The following CRY2 variants were observed in gnomAD, a reference collection of about 807,000 sequenced individuals.
The protein encoded by CRY2 is cryptochrome circadian regulator 2, also known as cryptochrome-2.
A neutral mutation model predicts 69.5 loss-of-function variants in CRY2; 31 were observed. That is an observed-to-expected ratio of 0.45 (90% CI 0.34 to 0.60). The LOEUF (loss-of-function observed/expected upper bound fraction) is 0.60, where lower values mean the gene tolerates loss of function less well. Ranked by LOEUF, CRY2 falls within the 20% of genes least tolerant of loss-of-function variation. The probability of loss-of-function intolerance (pLI) is 0.02; values close to 1 mark genes in which losing one functional copy is unlikely to be tolerated. For missense variants in CRY2, 606 were observed against 797.8 expected, an observed-to-expected ratio of 0.76 and a Z score of 2.90; for synonymous variants, 303 against 312.2, an observed-to-expected ratio of 0.97 and a Z score of 0.31.
At chr11:45,861,332 TC>T (rs2086286611) in intron 4 of CRY2, 2 of 287,974 alleles carry the variant, frequency 6.9e-6, no homozygotes, top group Non-Finnish European at 6.5e-6. Context: ...GGTGCTGGTG[TC>T]CATGGGCTTC....
chr11:45,861,160 G>A, intron 4 of CRY2, 128 bp downstream of exon 4: 3 of 1,042,728 alleles, frequency 2.9e-6, no homozygotes, highest in Non-Finnish European at 4.1e-6. Flanking sequence ...GGAAATGGCA[G>A]TCACTATTAC....
intron 11 of CRY2, among the ~76,000 whole-genome samples, chr11:45,877,805 A>G (rs995731749): frequency 1.2e-4 from 19 of 152,172 alleles, no homozygotes; most frequent in Admixed American, 2.0e-4. Context: ...TGAGGACAAG[A>G]GCATGGCACC....
Position 45,872,017 on chromosome 11 carries a change from G to A in CRY2, c.1643-75G>A, listed in dbSNP as rs572925426. The A allele has an allele frequency of 1.5e-5, 24 of 1,568,006 alleles. No individual in the cohort carries two copies. The African/African-American group carries it at 2.4e-4, about 16-fold the overall frequency. On this transcript the variant is annotated intron_variant, in intron 10 of 11. Coordinates refer to ENST00000616080, the MANE Select transcript of CRY2 (RefSeq NM_021117.5). ...AAGTGTGCTCCCTGTCCCCTAAAGA[G>A]CTGCTGCTGCATAGTGTGGGATCAT...
chr11:45,870,740 G>A (rs968691557), intron 9 of CRY2, 102 bp from the exon 10 acceptor site: 1 of 1,140,474 alleles, frequency 8.8e-7, no homozygotes, highest in African/African-American at 1.5e-5. Flanking sequence ...GAACCTCAGT[G>A]TCTTGCTCCT....
rs1276013297 is a variant in CRY2, at chr11:45,881,339, C to A, written c.*428C>A. On this transcript the variant is annotated 3_prime_UTR_variant, in exon 12 of 12. Transcript: ENST00000616080. ...GCTGTGGAGCAGGAGCACAGCAGTT[C>A]TGGCTGTTGTCCAAAGCATGGGATT... 1.3e-5 allele frequency: 2 copies of A among 152,684 alleles called. No homozygotes were observed. The highest frequency in any genetic ancestry group is 2.9e-5 in the Non-Finnish European group (2 of 68,090). The allele number at this position is 152,684 out of a possible 1,614,324, so 9.5% of individuals were successfully genotyped here.
At chr11:45,866,628 C>A (rs2086332544) in intron 5 of CRY2, among the ~76,000 whole-genome samples, 1 of 152,202 alleles carries the variant, frequency 6.6e-6, no homozygotes, top group South Asian at 2.1e-4. Context: ...GAGTTAGAGA[C>A]CAGCCTGGCC....
chr11:45,857,397 C>T (rs2086249670), intron 2 of CRY2, among the ~76,000 whole-genome samples: 1 of 152,176 alleles, frequency 6.6e-6, no homozygotes, highest in Non-Finnish European at 1.5e-5. Flanking sequence ...CATATAAATA[C>T]ATTTGCCTCC....
At chr11:45,853,152 C>G (rs1296443579) in intron 1 of CRY2, among the ~76,000 whole-genome samples, 2 of 152,212 alleles carry the variant, frequency 1.3e-5, no homozygotes, top group African/African-American at 4.8e-5. Flanking sequence ...CATAATCTCT[C>G]TATGCCTCAG....
Position 45,869,634 on chromosome 11 carries a change from C to T in CRY2, c.1011C>T (p.Ile337=). 6.2e-7 allele frequency: 1 copy of T among 1,614,280 alleles called. No homozygotes were observed. The change falls in exon 7 of 12, where the codon ATC becomes ATT. Residue 337 remains isoleucine (I), a synonymous_variant. Transcript: ENST00000616080. The part of the protein sequence containing the change: ...RMEGNPICIQ[I]PWDRNPEALA... ...AGGGGAACCCCATCTGCATCCAGAT[C>T]CCCTGGGACCGCAATCCTGAGGCCC...
Position 45,854,066 on chromosome 11 carries a change from G to A in CRY2, c.216-1916G>A, listed in dbSNP as rs536035581. Among the ~76,000 whole-genome samples the A allele has an allele frequency of 3.2e-4, 49 of 152,334 alleles. No homozygotes were observed. In the South Asian group the frequency reaches 9.9e-3, roughly 31 times the overall value. ...TTGTGTACGTCAGAGGCAGCAGTGG[G>A]GGCTGGTTCTAGTTGGCAGCCTGGG... On this transcript the variant is annotated intron_variant, in intron 1 of 11. Coordinates refer to ENST00000616080, the MANE Select transcript of CRY2 (RefSeq NM_021117.5).
intron 2 of CRY2, chr11:45,858,503 A>G: frequency 5.8e-6 from 3 of 513,150 alleles, no homozygotes; most frequent in East Asian, 6.5e-5. Flanking sequence ...CTCTCTCCCA[A>G]CTCCACTGTT....
upstream of CRY2, chr11:45,847,252 G>A (rs571898929): frequency 6.4e-7 from 1 of 1,551,470 alleles, no homozygotes; most frequent in African/African-American, 1.4e-5. Context: ...TTGTCCGCAT[G>A]CCAGCTCCAC....
intron 5 of CRY2, among the ~76,000 whole-genome samples, chr11:45,865,932 G>A (rs2086327482): frequency 6.6e-6 from 1 of 152,238 alleles, no homozygotes; most frequent in Non-Finnish European, 1.5e-5. Flanking sequence ...GGGAGTGGAC[G>A]CAGGGAGGCC....
At chr11:45,877,307 G>T (rs947622864) in intron 11 of CRY2, among the ~76,000 whole-genome samples, 1 of 152,256 alleles carries the variant, frequency 6.6e-6, no homozygotes, top group East Asian at 1.9e-4. Flanking sequence ...TGCCCAATAT[G>T]ATGGGGAGAG....
chr11:45,847,663 C>G lies in CRY2; in HGVS notation c.173C>G (p.Pro58Arg). 1 of 1,591,494 alleles carries G rather than the reference C, an allele frequency of 6.3e-7. No individual in the cohort carries two copies. ...GTGCGCTGCGTTTACATTCTCGACC[C>G]GTGGTTCGCGGCCTCCTCCTCAGTC... ...RCVRCVYILDPWFAASSSVGI... is the reference protein window; with the variant it reads ...RCVRCVYILDRWFAASSSVGI... The change falls in exon 1 of 12, where the codon CCG becomes CGG. Residue 58 changes from proline to arginine, a missense_variant. Pro to Arg is a moderately radical substitution (Grantham distance 103). Around this residue, in one of 5 missense-constraint regions of CRY2, gnomAD observed 382 missense variants for 508.9 expected, o/e 0.75. Transcript: ENST00000616080.
In CRY2 at chr11:45,883,229, G is replaced by A. The variant is rs1007274697; in HGVS notation, c.*2318G>A. On this transcript the variant is annotated 3_prime_UTR_variant, in exon 12 of 12. Coordinates refer to ENST00000616080, the MANE Select transcript of CRY2 (RefSeq NM_021117.5). Reference sequence around the variant, plus strand: ...GTGAATATTCACTTGTTTTATAAATGTCTGACCTGTCTTGAGTAAGTTTGT... The same window carrying A: ...GTGAATATTCACTTGTTTTATAAATATCTGACCTGTCTTGAGTAAGTTTGT... 6.5e-6 allele frequency: 1 copy of A among 152,930 alleles called. No homozygotes were observed. Among genetic ancestry groups the A allele is most frequent in the East Asian group, 1.9e-4 (1 of 5,214 alleles). The allele number at this position is 152,930 out of a possible 1,614,324, so 9.5% of individuals were successfully genotyped here.
At chr11:45,874,127 C>T (rs945062916) in intron 11 of CRY2, among the ~76,000 whole-genome samples, 7 of 151,950 alleles carry the variant, frequency 4.6e-5, no homozygotes, top group Admixed American at 2.6e-4. Flanking sequence ...ACTAAAAATA[C>T]AAAATTAGCT....
chr11:45,861,166 ATTACT>A (rs1565058915), intron 4 of CRY2, 134 bp downstream of exon 4: 6 of 934,006 alleles, frequency 6.4e-6, no homozygotes, highest in Non-Finnish European at 9.4e-6. Context: ...GGCAGTCACT[ATTACT>A]CCACCACCCA....
chr11:45,868,137 T>G (rs2086346363), intron 6 of CRY2, among the ~76,000 whole-genome samples: 2 of 152,160 alleles, frequency 1.3e-5, no homozygotes, highest in South Asian at 2.1e-4. Context: ...AGCTGCCCGC[T>G]CTGGAGCTGT....
Sources: allele counts gnomAD v4.1 joint callset (sites outside exome capture counted in the v4.1 genomes callset), GRCh38; gene constraint gnomAD v4.1.1; regional missense constraint gnomAD v4.1.1; transcripts MANE v1.5; gene names NCBI Gene and HGNC (gene_info 2026-07-23, HGNC 2026-07-21).